The following PCDHGA3 variants were observed in gnomAD, a reference collection of about 807,000 sequenced individuals.
PCDHGA3 encodes the protein protocadherin gamma-A3.
PCDHGA3 carries 40 observed loss-of-function variants against 58.5 expected under a neutral mutation model. The ratio of observed to expected loss-of-function variants is 0.68; its 90% CI spans 0.53 to 0.89. PCDHGA3 has a LOEUF of 0.89. PCDHGA3 is among the 40% of genes least tolerant of loss of function. The probability of loss-of-function intolerance (pLI) is 0.00; values close to 1 mark genes in which losing one functional copy is unlikely to be tolerated. For missense variants in PCDHGA3, 1,223 were observed against 1,195.9 expected, an observed-to-expected ratio of 1.02 and a Z score of -0.33; for synonymous variants, 530 against 525.7, an observed-to-expected ratio of 1.01 and a Z score of -0.11.
At chr5:141,376,267 G>C (rs1021502624) in intron 1 of PCDHGA3, 2 of 1,614,092 alleles carry the variant, frequency 1.2e-6, no homozygotes, top group African/African-American at 2.7e-5. Context: ...TGCAGGCTTC[G>C]GGAGGTGGCT....
Position 141,431,559 on chromosome 5 carries a change from C to A in PCDHGA3, c.2425-63248C>A. On this transcript the variant is annotated intron_variant, in intron 1 of 3. Coordinates refer to ENST00000253812, the MANE Select transcript of PCDHGA3 (RefSeq NM_018916.4). The surrounding 1 kb of genome is among the most constrained non-coding windows in gnomAD (Gnocchi z 4.8). ...ACGCAGCTGCTTGTAGTCAACGCTA[C>A]CGACCCTGACGAAGGAGTCAATGCG... is the stretch of plus-strand genomic sequence containing the variant. 6.2e-7 allele frequency: 1 copy of A among 1,614,158 alleles called. No homozygotes were observed. The highest frequency in any genetic ancestry group is 8.5e-7 in the Non-Finnish European group (1 of 1,180,030).
intron 1 of PCDHGA3, chr5:141,356,020 A>G: frequency 6.2e-7 from 1 of 1,613,996 alleles, no homozygotes; most frequent in East Asian, 2.2e-5. Context: ...TGAAGGAGCC[A>G]ATGGAGACGT....
intron 1 of PCDHGA3, among the ~76,000 whole-genome samples, chr5:141,482,530 C>CAAAAAAAAAAAAAA (rs3074545): frequency 1.2e-4 from 9 of 76,558 alleles, no homozygotes; most frequent in African/African-American, 3.8e-4. Flanking sequence ...GACAGACATG[C>CAAAAAAAAAAAAAA]AAAAAAAAAA....
rs767577725 is a variant in PCDHGA3, at chr5:141,485,642, G to C, written c.2425-9165G>C. On this transcript the variant is annotated intron_variant, in intron 1 of 3. Transcript: ENST00000253812. This position sits in a 1 kb window ranked among gnomAD's most constrained non-coding sequence, Gnocchi z 5.7. ...AGGACAGCGTTTCCCGTTGGAAAAGGCTCAGGATGCAGATGTGGGGAGCAA... is the reference window on the plus strand; with the variant it reads ...AGGACAGCGTTTCCCGTTGGAAAAGCCTCAGGATGCAGATGTGGGGAGCAA... 2 of 1,612,044 alleles carry C rather than the reference G, an allele frequency of 1.2e-6. No individual in the cohort carries two copies. The highest frequency in any genetic ancestry group is 8.5e-7 in the Non-Finnish European group (1 of 1,178,592).
rs749044339 is a variant in PCDHGA3, at chr5:141,477,410, G to A, written c.2425-17397G>A. On this transcript the variant is annotated intron_variant, in intron 1 of 3. Coordinates refer to ENST00000253812, the MANE Select transcript of PCDHGA3 (RefSeq NM_018916.4). This position sits in a 1 kb window ranked among gnomAD's most constrained non-coding sequence, Gnocchi z 4.9. ...CAACCTCAGCATCACCGCCCGAGAC[G>A]CCGGAACCCCTTCCCTCTCAGCCCT... 66 of 1,613,988 alleles carry A rather than the reference G, an allele frequency of 4.1e-5. 1 individual carries two copies. The South Asian group carries it at 7.0e-4, about 17-fold the overall frequency.
chr5:141,366,456 T>A, intron 1 of PCDHGA3: 1 of 1,614,224 alleles, frequency 6.2e-7, no homozygotes, highest in Non-Finnish European at 8.5e-7. Context: ...GCCTTCGTCA[T>A]CGTGCTGCTG....
chr5:141,369,651 A>C (rs562787182), intron 1 of PCDHGA3, among the ~76,000 whole-genome samples: 2 of 152,378 alleles, frequency 1.3e-5, no homozygotes, highest in South Asian at 4.1e-4. Context: ...GGGGGGAGAT[A>C]ATAAAGATAA....
Position 141,490,958 on chromosome 5 carries a change from A to T in PCDHGA3, c.2425-3849A>T, listed in dbSNP as rs771797392. 4.6e-5 allele frequency: 74 copies of T among 1,613,610 alleles called. No individual in the cohort carries two copies. The highest frequency in any genetic ancestry group is 1.6e-4 in the Middle Eastern group (1 of 6,084). ...CTGCACCCACGGCCAGACTGGGAAC[A>T]CTCAGCCCCCCAGCGTCTCCCTCGC... On this transcript the variant is annotated intron_variant, in intron 1 of 3. Coordinates refer to ENST00000253812, the MANE Select transcript of PCDHGA3 (RefSeq NM_018916.4). This position sits in a 1 kb window ranked among gnomAD's most constrained non-coding sequence, Gnocchi z 5.4.
rs1259490084 is a variant in PCDHGA3, at chr5:141,360,812, C to A, written c.2424+14355C>A. The stretch of plus-strand genomic sequence containing the variant: ...GGAGACCCACCTCAAAGTGGCACGA[C>A]CCAAATCCGAATCAAAGTCACGGAT... On this transcript the variant is annotated intron_variant, in intron 1 of 3. Transcript: ENST00000253812. 1.2e-6 allele frequency: 2 copies of A among 1,613,952 alleles called. No individual in the cohort carries two copies. The highest frequency in any genetic ancestry group is 1.1e-5 in the South Asian group (1 of 91,082).
chr5:141,497,540 C>CA (rs1491509812), intron 2 of PCDHGA3, among the ~76,000 whole-genome samples: 7 of 134,922 alleles, frequency 5.2e-5, no homozygotes, highest in Admixed American at 1.5e-4. Flanking sequence ...TGCAACAAAC[C>CA]TTTTTTTTTT....
chr5:141,365,954 C>T lies in PCDHGA3; in HGVS notation c.2424+19497C>T, dbSNP rs553082212. 5.6e-6 allele frequency: 9 copies of T among 1,614,236 alleles called. No homozygotes were observed. The East Asian group carries it at 1.3e-4, about 24-fold the overall frequency. ...AGCCAGCGACAGTGGGAACCCTCCA[C>T]TTAGCAGCAACGTGTCGCTGAGCCT... On this transcript the variant is annotated intron_variant, in intron 1 of 3. Coordinates refer to ENST00000253812, the MANE Select transcript of PCDHGA3 (RefSeq NM_018916.4).
At chr5:141,360,849 C>T (rs1761771921) in intron 1 of PCDHGA3, 2 of 1,613,872 alleles carry the variant, frequency 1.2e-6, no homozygotes, top group African/African-American at 2.7e-5. Context: ...CCAACGATAA[C>T]CCTCCAGTGT....
intron 1 of PCDHGA3, chr5:141,426,765 G>A (rs1343961009): frequency 1.8e-5 from 8 of 456,530 alleles, no homozygotes; most frequent in Non-Finnish European, 3.5e-5. Flanking sequence ...AGATGCAGAT[G>A]TAGGGCCTCA....
chr5:141,480,599 C>A (rs1202373543), intron 1 of PCDHGA3, among the ~76,000 whole-genome samples: 1 of 141,438 alleles, frequency 7.1e-6, no homozygotes, highest in East Asian at 1.9e-4. Flanking sequence ...TCTGGTCAGC[C>A]TGGAAAGCAA....
intron 1 of PCDHGA3, chr5:141,396,034 A>G (rs968115375): frequency 1.3e-5 from 2 of 152,256 alleles, no homozygotes; most frequent in African/African-American, 2.4e-5. Context: ...ATGTAAGAAC[A>G]TATTTCAATA....
rs537087639 is a variant in PCDHGA3 at position 141,510,502 on chromosome 5, G to A, written c.2573-445G>A. 3.3e-5 allele frequency among the ~76,000 whole-genome samples: 5 copies of A among 152,296 alleles called. No homozygotes were observed. The South Asian group carries it at 6.2e-4, about 19-fold the overall frequency. ...CTTGAGAAAGCCAGGGCAAGGAACTGAGAGCCCGTGTCACAGCCCTGAGAG... is the reference window on the plus strand; with the variant it reads ...CTTGAGAAAGCCAGGGCAAGGAACTAAGAGCCCGTGTCACAGCCCTGAGAG... On this transcript the variant is annotated intron_variant, in intron 3 of 3. Coordinates refer to ENST00000253812, the MANE Select transcript of PCDHGA3 (RefSeq NM_018916.4).
At chr5:141,499,451 T>A (rs1378621877) in intron 2 of PCDHGA3, among the ~76,000 whole-genome samples, 3 of 152,130 alleles carry the variant, frequency 2.0e-5, no homozygotes, top group Non-Finnish European at 4.4e-5. Flanking sequence ...AAACCACCCA[T>A]CATTTTACAA....
At chr5:141,361,287 C>A (rs762239978) in intron 1 of PCDHGA3, 1 of 1,613,944 alleles carries the variant, frequency 6.2e-7, no homozygotes, top group South Asian at 1.1e-5. Flanking sequence ...AAGTTTACTG[C>A]CAAGTGTTGG....
At chr5:141,389,823 G>A in intron 1 of PCDHGA3, 3 of 1,613,944 alleles carry the variant, frequency 1.9e-6, no homozygotes, top group Non-Finnish European at 2.5e-6. Context: ...CGTGCGTGAC[G>A]GTGGACAGCC....
Sources: allele counts gnomAD v4.1 joint callset (sites outside exome capture counted in the v4.1 genomes callset), GRCh38; gene constraint gnomAD v4.1.1; non-coding constraint Gnocchi (gnomAD v3.1); transcripts MANE v1.5; gene names NCBI Gene and HGNC (gene_info 2026-07-23, HGNC 2026-07-21).